Variants in OR5K2 observed in about 807,000 individuals in gnomAD.
OR5K2 encodes olfactory receptor family 5 subfamily K member 2.
For synonymous variants in OR5K2, 124 were observed against 133.2 expected (o/e 0.93, Z 0.48); for missense variants, 402 against 369.8 (o/e 1.09, Z -0.71).
chr3:98,498,203 A>G lies in OR5K2; in HGVS notation c.523A>G (p.Asn175Asp), dbSNP rs748841538. The G allele has an allele frequency of 6.2e-7, 1 of 1,614,090 alleles. No individual in the cohort carries two copies. Among genetic ancestry groups the G allele is most frequent in the East Asian group, 2.2e-5 (1 of 44,880 alleles). ...RLVFCGLNHI[N>D]HFYCDTLPLY... is the part of the protein sequence containing the mutation. ...AGTTTTCTGTGGATTGAATCACATC[A>G]ACCACTTTTACTGTGATACTCTTCC... The change falls in exon 1 of 1, where the codon AAC (asparagine) becomes GAC (aspartate). Residue 175 changes from asparagine to aspartate, a missense_variant. Asn to Asp is a conservative substitution (Grantham distance 23). Coordinates refer to ENST00000427338, the MANE Select transcript of OR5K2 (RefSeq NM_001004737.1).
chr3:98,498,526 T>C lies in OR5K2; in HGVS notation c.846T>C (p.Val282=). The C allele has an allele frequency of 6.2e-7, 1 of 1,608,068 alleles. No homozygotes were observed. The highest frequency in any genetic ancestry group is 1.7e-5 in the Admixed American group (1 of 59,818). Residue 282 remains valine, a synonymous_variant, in exon 1 of 1, where the codon GTT becomes GTC. Transcript: ENST00000427338. The stretch of plus-strand genomic sequence containing the variant: ...CTGCTATTTTATTTACAATAGTAGT[T>C]CCCTTACTAAATCCTTTCATTTATA... ...IPAAILFTIV[V]PLLNPFIYSL... is the part of the protein sequence containing the mutation.
In OR5K2 at chr3:98,498,588, A is replaced by G; in HGVS notation, c.908A>G (p.Lys303Arg). Reference sequence around the variant, plus strand: ...AAGGAAGTAATAAGTGTCTTAAGAAAAATTCTGCTGAAAATAAAATCTCAA... The same window carrying G: ...AAGGAAGTAATAAGTGTCTTAAGAAGAATTCTGCTGAAAATAAAATCTCAA... Reference protein sequence around the residue: ...RNKEVISVLRKILLKIKSQGS... With the variant: ...RNKEVISVLRRILLKIKSQGS... Residue 303 changes from lysine to arginine, a missense_variant, in exon 1 of 1, where the codon AAA becomes AGA. Physicochemically the swap from Lys to Arg is conservative, Grantham distance 26. Coordinates refer to ENST00000427338, the MANE Select transcript of OR5K2 (RefSeq NM_001004737.1). 19 of 1,592,404 alleles carry G rather than the reference A, an allele frequency of 1.2e-5. No homozygotes were observed. Among genetic ancestry groups the G allele is most frequent in the Non-Finnish European group, 1.6e-5 (19 of 1,168,338 alleles).
At position 98,497,743 on chromosome 3, in the gene OR5K2, T is replaced by C. The variant is rs779086413; in HGVS notation, c.63T>C (p.Pro21=). The change falls in exon 1 of 1, where the codon CCT becomes CCC. Residue 21 remains proline (P), a synonymous_variant. Coordinates refer to ENST00000427338, the MANE Select transcript of OR5K2 (RefSeq NM_001004737.1). The stretch of plus-strand genomic sequence containing the variant: ...TCCTCACAGGATTTACAGATCACCC[T>C]GAGCTGAAGACTCTGCTGTTTGTGG... ...EFILTGFTDH[P]ELKTLLFVVF... The C allele has an allele frequency of 3.2e-5, 51 of 1,613,926 alleles. No homozygotes were observed. In the South Asian group the frequency reaches 4.3e-4, roughly 14 times the overall value.
At position 98,498,234 on chromosome 3, in the gene OR5K2, A is replaced by G. The variant is rs1333163565; in HGVS notation, c.554A>G (p.Tyr185Cys). The change falls in exon 1 of 1, where the codon TAT becomes TGT. Residue 185 changes from tyrosine (Y) to cysteine (C), a missense_variant. By Grantham distance (194) the Tyr-to-Cys change is radical (BLOSUM62 -2). Transcript: ENST00000427338. ...NHFYCDTLPL[Y>C]RLSCVDPFIN... ...TTTTACTGTGATACTCTTCCCTTGT[A>G]TAGACTCTCCTGTGTTGACCCTTTC... is the stretch of plus-strand genomic sequence containing the variant. The G allele has an allele frequency of 9.9e-6, 16 of 1,614,104 alleles. No individual in the cohort carries two copies. Among genetic ancestry groups the G allele is most frequent in the Non-Finnish European group, 1.3e-5 (15 of 1,179,978 alleles).
In OR5K2 at chr3:98,498,259, C is replaced by T. The variant is rs1341721995; in HGVS notation, c.579C>T (p.Phe193=). Reference sequence around the variant, plus strand: ...ATAGACTCTCCTGTGTTGACCCTTTCATCAATGAACTGGTTCTATTCATCT... The same window carrying T: ...ATAGACTCTCCTGTGTTGACCCTTTTATCAATGAACTGGTTCTATTCATCT... The part of the protein sequence containing the change: ...PLYRLSCVDP[F]INELVLFIFS... Residue 193 remains phenylalanine (F), a synonymous_variant, in exon 1 of 1, where the codon TTC becomes TTT. Transcript: ENST00000427338. 3 of 1,613,956 alleles carry T rather than the reference C, an allele frequency of 1.9e-6. No homozygotes were observed. Among genetic ancestry groups the T allele is most frequent in the Admixed American group, 3.3e-5 (2 of 59,978 alleles).
Position 98,498,217 on chromosome 3 carries a change from T to C in OR5K2, c.537T>C (p.Cys179=). Residue 179 remains cysteine (C), a synonymous_variant, in exon 1 of 1, where the codon TGT becomes TGC. Coordinates refer to ENST00000427338, the MANE Select transcript of OR5K2 (RefSeq NM_001004737.1). ...TGAATCACATCAACCACTTTTACTG[T>C]GATACTCTTCCCTTGTATAGACTCT... is the stretch of plus-strand genomic sequence containing the variant. ...CGLNHINHFY[C]DTLPLYRLSC... is the part of the protein sequence containing the mutation. 9 of 1,614,106 alleles carry C rather than the reference T, an allele frequency of 5.6e-6. No individual in the cohort carries two copies. The highest frequency in any genetic ancestry group is 7.6e-6 in the Non-Finnish European group (9 of 1,179,958).
In OR5K2 at chr3:98,498,503, G is replaced by A. The variant is rs1232736200; in HGVS notation, c.823G>A (p.Ala275Thr). ...LEEGGNDIPA[A>T]ILFTIVVPLL... ...AGAAGGAGGTAATGATATACCAGCTGCTATTTTATTTACAATAGTAGTTCC... is the reference window on the plus strand; with the variant it reads ...AGAAGGAGGTAATGATATACCAGCTACTATTTTATTTACAATAGTAGTTCC... Residue 275 changes from alanine (A) to threonine (T), a missense_variant, in exon 1 of 1, where the codon GCT (alanine) becomes ACT (threonine). Transcript: ENST00000427338. 3 of 1,609,118 alleles carry A rather than the reference G, an allele frequency of 1.9e-6. No individual in the cohort carries two copies. The highest frequency in any genetic ancestry group is 3.3e-5 in the Admixed American group (2 of 59,848).
At position 98,497,893 on chromosome 3, in the gene OR5K2, T is replaced by G. The variant is rs765716215; in HGVS notation, c.213T>G (p.Ser71=). ...TGGGAAATCTGGCTCTTGTGGATTC[T>G]TGCTGTGCCTGTGCTATTACCCCCA... ...IFLGNLALVD[S]CCACAITPKM... is the part of the protein sequence containing the mutation. Residue 71 remains serine, a synonymous_variant, in exon 1 of 1, where the codon TCT becomes TCG. Coordinates refer to ENST00000427338, the MANE Select transcript of OR5K2 (RefSeq NM_001004737.1). 5.0e-6 allele frequency: 8 copies of G among 1,614,088 alleles called. No individual in the cohort carries two copies. The highest frequency in any genetic ancestry group is 2.5e-6 in the Non-Finnish European group (3 of 1,179,968).
Position 98,498,237 on chromosome 3 carries a change from G to C in OR5K2, c.557G>C (p.Arg186Thr). The part of the protein sequence containing the change: ...HFYCDTLPLY[R>T]LSCVDPFINE... The stretch of plus-strand genomic sequence containing the variant: ...TACTGTGATACTCTTCCCTTGTATA[G>C]ACTCTCCTGTGTTGACCCTTTCATC... Residue 186 changes from arginine (R) to threonine (T), a missense_variant, in exon 1 of 1, where the codon AGA becomes ACA. Physicochemically the swap from Arg to Thr is moderately conservative, Grantham distance 71. Transcript: ENST00000427338. 6.2e-7 allele frequency: 1 copy of C among 1,614,060 alleles called. No individual in the cohort carries two copies.
chr3:98,498,497 C>T lies in OR5K2; in HGVS notation c.817C>T (p.Pro273Ser), dbSNP rs1181703356. 6.2e-7 allele frequency: 1 copy of T among 1,609,182 alleles called. No homozygotes were observed. The highest frequency in any genetic ancestry group is 8.5e-7 in the Non-Finnish European group (1 of 1,175,882). The change falls in exon 1 of 1, where the codon CCA becomes TCA. Residue 273 changes from proline (P) to serine (S), a missense_variant. Physicochemically the swap from Pro to Ser is moderately conservative, Grantham distance 74. Transcript: ENST00000427338. Reference protein sequence around the residue: ...NLLEEGGNDIPAAILFTIVVP... With the variant: ...NLLEEGGNDISAAILFTIVVP... ...GCTTGAAGAAGGAGGTAATGATATA[C>T]CAGCTGCTATTTTATTTACAATAGT...
rs760342234 is a variant in OR5K2 at position 98,497,886 on chromosome 3, T to A, written c.206T>A (p.Val69Glu). The A allele has an allele frequency of 6.2e-7, 1 of 1,613,984 alleles. No homozygotes were observed. Among genetic ancestry groups the A allele is most frequent in the African/African-American group, 1.3e-5 (1 of 74,922 alleles). Residue 69 changes from valine to glutamate, a missense_variant, in exon 1 of 1, where the codon GTG becomes GAG. Coordinates refer to ENST00000427338, the MANE Select transcript of OR5K2 (RefSeq NM_001004737.1). ...MYIFLGNLAL[V>E]DSCCACAITP... The stretch of plus-strand genomic sequence containing the variant: ...ATCTTTCTGGGAAATCTGGCTCTTG[T>A]GGATTCTTGCTGTGCCTGTGCTATT...
rs1477014751 is a variant in OR5K2, at chr3:98,497,877, T to G, written c.197T>G (p.Leu66Arg). Reference protein sequence around the residue: ...HTPMYIFLGNLALVDSCCACA... With the variant: ...HTPMYIFLGNRALVDSCCACA... Reference sequence around the variant, plus strand: ...CCAATGTACATCTTTCTGGGAAATCTGGCTCTTGTGGATTCTTGCTGTGCC... The same window carrying G: ...CCAATGTACATCTTTCTGGGAAATCGGGCTCTTGTGGATTCTTGCTGTGCC... The change falls in exon 1 of 1, where the codon CTG becomes CGG. Residue 66 changes from leucine (L) to arginine (R), a missense_variant. Coordinates refer to ENST00000427338, the MANE Select transcript of OR5K2 (RefSeq NM_001004737.1). The G allele has an allele frequency of 1.9e-6, 3 of 1,614,014 alleles. No individual in the cohort carries two copies. The highest frequency in any genetic ancestry group is 2.5e-6 in the Non-Finnish European group (3 of 1,179,992).
rs1211776507 is a variant in OR5K2 at position 98,497,873 on chromosome 3, A to T, written c.193A>T (p.Asn65Tyr). Residue 65 changes from asparagine (N) to tyrosine (Y), a missense_variant, in exon 1 of 1, where the codon AAT (asparagine) becomes TAT (tyrosine). Transcript: ENST00000427338. ...LHTPMYIFLG[N>Y]LALVDSCCAC... ...CACACCAATGTACATCTTTCTGGGA[A>T]ATCTGGCTCTTGTGGATTCTTGCTG... is the stretch of plus-strand genomic sequence containing the variant. 3.1e-6 allele frequency: 5 copies of T among 1,613,960 alleles called. No homozygotes were observed. In the East Asian group the frequency reaches 6.7e-5, roughly 22 times the overall value.
chr3:98,498,420 CA>C lies in OR5K2; in HGVS notation c.741del (p.Val248PhefsTer33). The C allele has an allele frequency of 6.2e-7, 1 of 1,613,490 alleles. No homozygotes were observed. The highest frequency in any genetic ancestry group is 1.1e-5 in the South Asian group (1 of 91,056). ...TCTACTTGTGCATCCCACTTTTCAT[CA>C]GTTTCATTATTCTATGGATCTATTT... ...AFSTCASHFS[S>X]VSLFYGSIFF... On this transcript the variant is annotated frameshift_variant, in exon 1 of 1. Transcript: ENST00000427338. LOFTEE classifies it low-confidence loss of function (END_TRUNC).
Position 98,497,710 on chromosome 3 carries a change from T to C in OR5K2, c.30T>C (p.Asn10=), listed in dbSNP as rs1705719925. 6.8e-6 allele frequency: 11 copies of C among 1,612,604 alleles called. No individual in the cohort carries two copies. Among genetic ancestry groups the C allele is most frequent in the Admixed American group, 1.7e-5 (1 of 59,846 alleles). MVEENHTMK[N]EFILTGFTDH... Reference sequence around the variant, plus strand: ...TTGAAGAAAATCATACCATGAAAAATGAGTTTATCCTCACAGGATTTACAG... The same window carrying C: ...TTGAAGAAAATCATACCATGAAAAACGAGTTTATCCTCACAGGATTTACAG... Residue 10 remains asparagine, a synonymous_variant, in exon 1 of 1, where the codon AAT becomes AAC. Coordinates refer to ENST00000427338, the MANE Select transcript of OR5K2 (RefSeq NM_001004737.1).
In OR5K2 at chr3:98,497,930, A is replaced by G. The variant is rs1171763436; in HGVS notation, c.250A>G (p.Asn84Asp). 1 of 1,614,028 alleles carries G rather than the reference A, an allele frequency of 6.2e-7. No individual in the cohort carries two copies. The highest frequency in any genetic ancestry group is 1.7e-5 in the Admixed American group (1 of 60,002). The part of the protein sequence containing the change: ...ACAITPKMLE[N>D]FFSEGKRISL... The stretch of plus-strand genomic sequence containing the variant: ...TGCTATTACCCCCAAAATGTTAGAG[A>G]ACTTCTTTTCTGAGGGCAAAAGGAT... The change falls in exon 1 of 1, where the codon AAC (asparagine) becomes GAC (aspartate). Residue 84 changes from asparagine to aspartate, a missense_variant. By Grantham distance (23) the Asn-to-Asp change is conservative. Transcript: ENST00000427338.
rs1202181432 is a variant in OR5K2, at chr3:98,497,998, T to C, written c.318T>C (p.Thr106=). The change falls in exon 1 of 1, where the codon ACT becomes ACC. Residue 106 remains threonine, a synonymous_variant. Coordinates refer to ENST00000427338, the MANE Select transcript of OR5K2 (RefSeq NM_001004737.1). ...ECAVQFYFLC[T]VETADCFLLA... ...CAGTACAGTTTTATTTTCTTTGCAC[T>C]GTGGAAACTGCAGACTGCTTTCTTC... is the stretch of plus-strand genomic sequence containing the variant. The C allele has an allele frequency of 3.1e-6, 5 of 1,614,084 alleles. No homozygotes were observed. In the East Asian group the frequency reaches 6.7e-5, roughly 22 times the overall value.
At position 98,498,334 on chromosome 3, in the gene OR5K2, T is replaced by A. The variant is rs55639376; in HGVS notation, c.654T>A (p.Tyr218Ter). ...VFTIGSVLIS[Y>*]LYILLTIFRM... is the part of the protein sequence containing the mutation. The stretch of plus-strand genomic sequence containing the variant: ...CCATAGGTAGTGTCTTAATATCTTA[T>A]CTCTATATTCTTCTTACTATTTTCA... The change falls in exon 1 of 1, where the codon TAT becomes TAA. Residue 218 changes from tyrosine (Y) to a stop codon, truncating the protein, a stop_gained. Transcript: ENST00000427338. LOFTEE classifies it low-confidence loss of function (END_TRUNC). 0.18 allele frequency: 288,440 copies of A among 1,612,948 alleles called. 27,287 individuals carry two copies. Among genetic ancestry groups the A allele is most frequent in the Non-Finnish European group, 0.2 (231,988 of 1,179,192 alleles).
At position 98,498,446 on chromosome 3, in the gene OR5K2, T is replaced by A; in HGVS notation, c.766T>A (p.Phe256Ile). Residue 256 changes from phenylalanine to isoleucine, a missense_variant, in exon 1 of 1, where the codon TTT becomes ATT. Coordinates refer to ENST00000427338, the MANE Select transcript of OR5K2 (RefSeq NM_001004737.1). ...SSVSLFYGSIFFLYIRPNLLE... is the reference protein window; with the variant it reads ...SSVSLFYGSIIFLYIRPNLLE... ...AGTTTCATTATTCTATGGATCTATT[T>A]TTTTCCTATACATTAGACCAAATTT... 1 of 1,613,586 alleles carries A rather than the reference T, an allele frequency of 6.2e-7. No individual in the cohort carries two copies. Among genetic ancestry groups the A allele is most frequent in the African/African-American group, 1.3e-5 (1 of 75,030 alleles).
Sources: gnomAD v4.1 joint callset for allele counts on GRCh38, gnomAD v4.1.1 for gene constraint, MANE v1.5 for transcripts, NCBI Gene and HGNC (gene_info 2026-07-23, HGNC 2026-07-21) for gene names.